The following SLC9A6 variants were observed in gnomAD, a reference collection of about 807,000 sequenced individuals.
SLC9A6 encodes sodium/hydrogen exchanger 6.
SLC9A6 carries 6 observed loss-of-function variants against 45.3 expected under a neutral mutation model. That is an observed-to-expected ratio of 0.13 (90% confidence interval 0.07 to 0.26). SLC9A6 has a LOEUF of 0.26. Among genes scored for constraint, SLC9A6 ranks in the 10% least tolerant of loss-of-function variants. SLC9A6 has a pLI of 1.00. For missense variants in SLC9A6, 278 were observed against 503.7 expected, an observed-to-expected ratio of 0.55 and a Z score of 4.29; for synonymous variants, 191 against 187.7, an observed-to-expected ratio of 1.02 and a Z score of -0.14.
chrX:136,041,640 C>T (rs922623260), intron 17 of SLC9A6, among the ~76,000 whole-genome samples: 1 of 112,016 alleles, frequency 8.9e-6, no homozygotes, highest in Non-Finnish European at 1.9e-5. Context: ...TCTTGGATTC[C>T]AGAGACCCAC....
Position 136,017,877 on chromosome X carries a change from T to G in SLC9A6, c.1194+1119T>G, listed in dbSNP as rs782197535. 5.4e-5 allele frequency among the ~76,000 whole-genome samples: 6 copies of G among 111,401 alleles called. No individual in the cohort carries two copies. In the East Asian group the frequency reaches 1.7e-3, roughly 32 times the overall value. ...TTGTGCTCTTGGCTGGGACTGCACC[T>G]TCTCAAGACTTGACTAGGGCCAGGG... On this transcript the variant is annotated intron_variant, in intron 11 of 17. Coordinates refer to ENST00000630721, the MANE Select transcript of SLC9A6 (RefSeq NM_001379110.1).
At chrX:135,995,106 G>A in intron 3 of SLC9A6, 121 bp downstream of exon 3, 2 of 487,123 alleles carry the variant, frequency 4.1e-6, no homozygotes, top group South Asian at 3.1e-5. Context: ...TTTCAATGGA[G>A]TAAAACCTCA....
chrX:136,044,904 T>A lies in SLC9A6; in HGVS notation c.*180T>A. On this transcript the variant is annotated 3_prime_UTR_variant, in exon 18 of 18. Coordinates refer to ENST00000630721, the MANE Select transcript of SLC9A6 (RefSeq NM_001379110.1). ...GCAGATTGTGAACAAACTATATTCCTTTAAGTTTTCCTGGTTGCACTCTGT... is the reference window on the plus strand; with the variant it reads ...GCAGATTGTGAACAAACTATATTCCATTAAGTTTTCCTGGTTGCACTCTGT... 1 of 455,781 alleles carries A rather than the reference T, an allele frequency of 2.2e-6. No individual in the cohort carries two copies. The highest frequency in any genetic ancestry group is 3.8e-6 in the Non-Finnish European group (1 of 266,291). 37.6% of individuals were successfully genotyped at this position (455,781 alleles called of 1,213,427 possible).
rs1177115625 is a variant in SLC9A6, at chrX:136,007,454, T to C, written c.744-2988T>C. Among the ~76,000 whole-genome samples, 6 of 111,661 alleles carry C rather than the reference T, an allele frequency of 5.4e-5. No individual in the cohort carries two copies. In the East Asian group the frequency reaches 8.4e-4, roughly 16 times the overall value. ...TGGTGTTGTAAAACTAGACCACTCA[T>C]ACATTGTTAACATTGAAATTGGTAT... is the stretch of plus-strand genomic sequence containing the variant. On this transcript the variant is annotated intron_variant, in intron 7 of 17. Transcript: ENST00000630721.
At chrX:135,986,687 GCTTT>G (rs1172492462) in intron 2 of SLC9A6, among the ~76,000 whole-genome samples, 8 of 110,935 alleles carry the variant, frequency 7.2e-5, no homozygotes, top group Admixed American at 1.9e-4. Context: ...GTCTCAGTCT[GCTTT>G]CTGAGGTTTA....
At chrX:136,034,666 A>T (rs1035355862) in intron 16 of SLC9A6, among the ~76,000 whole-genome samples, 5 of 111,668 alleles carry the variant, frequency 4.5e-5, no homozygotes, top group Non-Finnish European at 9.4e-5. Flanking sequence ...AAGAAAAATC[A>T]CTTGACACTT....
intron 14 of SLC9A6, 158 bp from the exon 15 acceptor site, chrX:136,029,974 G>A: frequency 3.9e-6 from 2 of 511,045 alleles, no homozygotes. Flanking sequence ...AAAGTGGCAG[G>A]AGCCAAAAAT....
chrX:136,009,651 C>T (rs184105538), intron 7 of SLC9A6, among the ~76,000 whole-genome samples: 1 of 112,415 alleles, frequency 8.9e-6, no homozygotes, highest in African/African-American at 3.2e-5. Context: ...CTGCTGGCAA[C>T]AGCAATTTTC....
intron 7 of SLC9A6, among the ~76,000 whole-genome samples, chrX:136,003,355 G>A (rs782616624): frequency 8.9e-6 from 1 of 112,308 alleles, no homozygotes; most frequent in East Asian, 2.8e-4. Context: ...AGGCACAACC[G>A]TGAATAAATA....
At chrX:135,982,688 G>T (rs1355648939), upstream of SLC9A6, among the ~76,000 whole-genome samples, 4 of 111,370 alleles carry the variant, frequency 3.6e-5, no homozygotes, top group African/African-American at 9.8e-5. Flanking sequence ...TGCCCAGGCT[G>T]GTCTTGAACT....
intron 7 of SLC9A6, among the ~76,000 whole-genome samples, chrX:136,002,705 G>A (rs1386643001): frequency 1.8e-5 from 2 of 109,176 alleles, no homozygotes; most frequent in Non-Finnish European, 3.8e-5. Flanking sequence ...GGGATTATAG[G>A]CACCCGCCAC....
chrX:136,003,963 TTGAA>T (rs1409721606), intron 7 of SLC9A6, among the ~76,000 whole-genome samples: 1 of 110,917 alleles, frequency 9.0e-6, no homozygotes, highest in East Asian at 2.8e-4. Flanking sequence ...GCAGACAATT[TTGAA>T]TGAGCAATAT....
upstream of SLC9A6, among the ~76,000 whole-genome samples, chrX:135,983,207 G>A (rs1364376236): frequency 1.8e-5 from 2 of 111,647 alleles, no homozygotes; most frequent in Admixed American, 9.5e-5. Context: ...TGTGAGTTGT[G>A]TATACGTGTG....
chrX:135,991,608 G>T (rs1312003389), intron 2 of SLC9A6, among the ~76,000 whole-genome samples: 3 of 110,343 alleles, frequency 2.7e-5, no homozygotes, highest in Non-Finnish European at 3.8e-5. Flanking sequence ...TTCTCACTTG[G>T]GTCTGGTTTC....
rs782319208 is a variant in SLC9A6 at position 135,998,527 on chromosome X, C to T, written c.493C>T (p.Leu165Phe). ...NLGSILAYAF[L>F]GTAISCFVIG... ...TGGGTCTATCCTAGCATACGCTTTTCTTGGAACAGCAATTTCTTGTTTCGT... is the reference window on the plus strand; with the variant it reads ...TGGGTCTATCCTAGCATACGCTTTTTTTGGAACAGCAATTTCTTGTTTCGT... Residue 165 changes from leucine (L) to phenylalanine (F), a missense_variant, in exon 5 of 18, where the codon CTT becomes TTT. Physicochemically the swap from Leu to Phe is conservative, Grantham distance 22. Transcript: ENST00000630721. 1 of 1,182,053 alleles carries T rather than the reference C, an allele frequency of 8.5e-7. No individual in the cohort carries two copies. The highest frequency in any genetic ancestry group is 1.1e-6 in the Non-Finnish European group (1 of 879,658).
intron 11 of SLC9A6, among the ~76,000 whole-genome samples, chrX:136,022,075 G>A (rs914561121): frequency 1.8e-5 from 2 of 111,834 alleles, no homozygotes; most frequent in Admixed American, 1.9e-4. Context: ...CCATTTTAGT[G>A]CTGTGAGGTG....
chrX:135,989,902 T>G (rs2089402416), intron 2 of SLC9A6, among the ~76,000 whole-genome samples: 1 of 110,990 alleles, frequency 9.0e-6, no homozygotes, highest in Admixed American at 9.6e-5. Flanking sequence ...TGTGGTTGTG[T>G]TTTTTTTGTT....
intron 6 of SLC9A6, among the ~76,000 whole-genome samples, chrX:136,001,520 G>A (rs2089584020): frequency 9.0e-6 from 1 of 111,090 alleles, no homozygotes; most frequent in Admixed American, 9.6e-5. Flanking sequence ...AGGATTTATT[G>A]TTTTTCTTCT....
chrX:136,043,452 A>G (rs2071547291), intron 17 of SLC9A6, among the ~76,000 whole-genome samples: 2 of 112,044 alleles, frequency 1.8e-5, no homozygotes. Context: ...ATTTTGTCTA[A>G]TAGTCTTCTC....
Sources: allele counts gnomAD v4.1 joint callset (sites outside exome capture counted in the v4.1 genomes callset), GRCh38; gene constraint gnomAD v4.1.1; transcripts MANE v1.5; gene names NCBI Gene and HGNC (gene_info 2026-07-23, HGNC 2026-07-21).